Variants in ATG7 observed in about 807,000 individuals in gnomAD.
ATG7 encodes ubiquitin-like modifier-activating enzyme ATG7.
In ATG7, 70 loss-of-function variants were observed where a neutral mutation model predicts 82.4. The observed-to-expected ratio is 0.85, with a 90% CI of 0.70 to 1.04. ATG7 has a LOEUF of 1.04. ATG7 is among the 50% of genes least tolerant of loss of function. The pLI, the probability that ATG7 is intolerant of heterozygous loss-of-function variation, is 0.00. For synonymous variants in ATG7, 287 were observed against 313.0 expected, an observed-to-expected ratio of 0.92 and a Z score of 0.88; for missense variants, 792 against 864.3, an observed-to-expected ratio of 0.92 and a Z score of 1.05.
chr3:11,532,431 A>G (rs2124983392), intron 20 of ATG7, among the ~76,000 whole-genome samples: 1 of 152,292 alleles, frequency 6.6e-6, no homozygotes, highest in East Asian at 1.9e-4. Flanking sequence ...TGAGGAACAC[A>G]GGCTTCTCAG....
At chr3:11,362,320 T>C (rs2076336136) in intron 16 of ATG7, among the ~76,000 whole-genome samples, 1 of 152,180 alleles carries the variant, frequency 6.6e-6, no homozygotes, top group Non-Finnish European at 1.5e-5. Context: ...GTGATGCCCA[T>C]GTTGTGAGAG....
intron 18 of ATG7, among the ~76,000 whole-genome samples, chr3:11,378,347 A>T (rs148202219): frequency 1.1e-3 from 162 of 150,464 alleles, no homozygotes; most frequent in African/African-American, 3.6e-3. Flanking sequence ...TCAATATGCT[A>T]TGTGTTTTTT....
intron 19 of ATG7, among the ~76,000 whole-genome samples, chr3:11,419,743 A>G (rs555440949): frequency 7.2e-5 from 11 of 152,320 alleles, no homozygotes; most frequent in African/African-American, 2.6e-4. Context: ...GTAAAGAGTA[A>G]GGAGTCACCA....
At chr3:11,321,163 G>T (rs1950163698) in intron 9 of ATG7, among the ~76,000 whole-genome samples, 1 of 152,230 alleles carries the variant, frequency 6.6e-6, no homozygotes. Context: ...TGTCAGAGAC[G>T]CACAGAGTGC....
chr3:11,389,381 GTGTC>G (rs1267685466), intron 19 of ATG7, among the ~76,000 whole-genome samples: 2 of 147,154 alleles, frequency 1.4e-5, no homozygotes, highest in Admixed American at 6.7e-5. Flanking sequence ...GTTTTCTAGA[GTGTC>G]TGACCTTCTC....
At chr3:11,516,460 G>C (rs2092286065) in intron 20 of ATG7, among the ~76,000 whole-genome samples, 1 of 152,192 alleles carries the variant, frequency 6.6e-6, no homozygotes, top group African/African-American at 2.4e-5. Context: ...ATGGTAGTGA[G>C]AATGTGGAGC....
chr3:11,573,285 A>G, the ATG7 span, among the ~76,000 whole-genome samples: 1,206 of 12,406 alleles, frequency 0.097, 121 homozygotes, highest in South Asian at 0.23. Context: ...GAAAGAAAGA[A>G]AGAAAGAAAG....
intron 20 of ATG7, among the ~76,000 whole-genome samples, chr3:11,543,487 G>A (rs934414068): frequency 6.6e-6 from 1 of 152,244 alleles, no homozygotes; most frequent in Non-Finnish European, 1.5e-5. Context: ...GAGGGGTTTG[G>A]TCTTAATTCC....
At chr3:11,454,206 C>A (rs1003568540) in intron 20 of ATG7, among the ~76,000 whole-genome samples, 2 of 152,090 alleles carry the variant, frequency 1.3e-5, no homozygotes, top group African/African-American at 4.8e-5. Flanking sequence ...GATTTTTACC[C>A]AGAGAAGCCC....
At chr3:11,347,449 G>T (rs2152786982) in intron 13 of ATG7, among the ~76,000 whole-genome samples, 1 of 152,262 alleles carries the variant, frequency 6.6e-6, no homozygotes, top group East Asian at 1.9e-4. Context: ...ATTTTTTGGA[G>T]GAGTTCATTC....
At chr3:11,538,861 G>A (rs1186957975) in intron 20 of ATG7, among the ~76,000 whole-genome samples, 9 of 128,068 alleles carry the variant, frequency 7.0e-5, no homozygotes, top group African/African-American at 2.7e-4. Flanking sequence ...GCAACAGAGT[G>A]AGACTCTTGT....
intron 20 of ATG7, among the ~76,000 whole-genome samples, chr3:11,547,564 A>G (rs2071401724): frequency 6.6e-6 from 1 of 152,164 alleles, no homozygotes. Context: ...CCATATGGTA[A>G]CTGTGTTTAA....
intron 3 of ATG7, among the ~76,000 whole-genome samples, chr3:11,286,390 T>G (rs1943994577): frequency 6.6e-6 from 1 of 152,200 alleles, no homozygotes; most frequent in South Asian, 2.1e-4. Flanking sequence ...CTAAGTTATA[T>G]GGCATATCGT....
chr3:11,403,710 G>A (rs1411143880), intron 19 of ATG7, among the ~76,000 whole-genome samples: 1 of 152,128 alleles, frequency 6.6e-6, no homozygotes, highest in Non-Finnish European at 1.5e-5. Context: ...AAAAGGCAAG[G>A]AATATAAAAA....
At position 11,471,776 on chromosome 3, in the gene ATG7, A is replaced by C. The variant is rs896538234; in HGVS notation, c.2079+44850A>C. Among the ~76,000 whole-genome samples the C allele has an allele frequency of 5.5e-5, 6 of 109,374 alleles. No homozygotes were observed. In the Admixed American group the frequency reaches 6.5e-4, roughly 12 times the overall value. The allele number at this position is 109,374 out of a possible 152,430, so 71.8% of individuals were successfully genotyped here. A position where few individuals can be genotyped will look rare whatever the true frequency, so the allele number is the denominator to read the frequency against. On this transcript the variant is annotated intron_variant, in intron 20 of 20. Transcript: ENST00000693202. ...TTTTTTTTTTTGAAATGTAGTCTCT[A>C]TCGCCCAGGCTGGAGTGCAGTGGTA...
At chr3:11,491,908 TC>T (rs2090395169) in intron 20 of ATG7, among the ~76,000 whole-genome samples, 1 of 152,192 alleles carries the variant, frequency 6.6e-6, no homozygotes, top group Non-Finnish European at 1.5e-5. Flanking sequence ...GTTACTGCTG[TC>T]TTTTTGTTTG....
intron 20 of ATG7, among the ~76,000 whole-genome samples, chr3:11,519,751 C>CG (rs1410951467): frequency 6.6e-6 from 1 of 151,488 alleles, no homozygotes; most frequent in Non-Finnish European, 1.5e-5. Flanking sequence ...TTAGTAGAGA[C>CG]GGGGTTTCAC....
intron 20 of ATG7, among the ~76,000 whole-genome samples, chr3:11,542,155 T>C (rs2070883413): frequency 6.6e-6 from 1 of 152,250 alleles, no homozygotes; most frequent in African/African-American, 2.4e-5. Context: ...CTCCCTCCTC[T>C]GCATGTCACT....
intron 20 of ATG7, among the ~76,000 whole-genome samples, chr3:11,431,783 T>G (rs962644346): frequency 4.6e-5 from 7 of 152,214 alleles, no homozygotes; most frequent in African/African-American, 1.7e-4. Flanking sequence ...GTGGTCTGTC[T>G]CCCTAAATAT....
Sources: gnomAD v4.1 joint callset for allele counts (sites outside exome capture counted in the v4.1 genomes callset) on GRCh38, gnomAD v4.1.1 for gene constraint, MANE v1.5 for transcripts, NCBI Gene and HGNC (gene_info 2026-07-23, HGNC 2026-07-21) for gene names.